DICER1: variants seen among roughly 807,000 people sequenced by gnomAD.
DICER1 encodes endoribonuclease Dicer.
Under a neutral mutation model 194.1 loss-of-function variants are expected in DICER1, and 43 were observed. The ratio of observed to expected loss-of-function variants is 0.22; its 90% CI spans 0.17 to 0.29. DICER1 has a LOEUF of 0.29. Among genes scored for constraint, DICER1 ranks in the 10% least tolerant of loss-of-function variants. The pLI is 1.00. For synonymous variants in DICER1, 832 were observed against 820.5 expected, an observed-to-expected ratio of 1.01 and a Z score of -0.24; for missense variants, 1,608 against 2,317.0, an observed-to-expected ratio of 0.69 and a Z score of 6.28.
At position 95,117,667 on chromosome 14, in the gene DICER1, C is replaced by A. The variant is rs770934736; in HGVS notation, c.1464G>T (p.Gln488His). 1.9e-6 allele frequency: 3 copies of A among 1,614,048 alleles called. No individual in the cohort carries two copies. The South Asian group carries it at 3.3e-5, about 18-fold the overall frequency. Residue 488 changes from glutamine to histidine, a missense_variant, in exon 9 of 27, where the codon CAG (glutamine) becomes CAT (histidine). By Grantham distance (24) the Gln-to-His change is conservative (BLOSUM62 0). Around this residue, in one of 10 missense-constraint regions of DICER1, gnomAD observed 657 missense variants for 910.1 expected, o/e 0.72. Transcript: ENST00000343455. The stretch of plus-strand genomic sequence containing the variant: ...CTGCTTCCATCTGTTTGTTGCGAGG[C>A]TGATTCTTCCCAATGCCATGTCCAG... Reference protein sequence around the residue: ...FITGHGIGKNQPRNKQMEAEF... With the variant: ...FITGHGIGKNHPRNKQMEAEF...
intron 10 of DICER1, 111 bp from the exon 11 acceptor site, chr14:95,115,932 A>T: frequency 1.8e-6 from 2 of 1,089,944 alleles, no homozygotes; most frequent in Non-Finnish European, 2.7e-6. Flanking sequence ...TCTCTCTCCT[A>T]AACATACTTC....
At chr14:95,147,916 A>G (rs1001136335) in intron 1 of DICER1, among the ~76,000 whole-genome samples, 8 of 152,238 alleles carry the variant, frequency 5.3e-5, no homozygotes, top group Non-Finnish European at 1.5e-5. Context: ...AGGATATTAC[A>G]GGCTGGGTGC....
chr14:95,129,111 G>A (rs1262990294), intron 6 of DICER1: 4 of 186,932 alleles, frequency 2.1e-5, no homozygotes, highest in Non-Finnish European at 4.5e-5. Context: ...ATAACTTAAT[G>A]TTCTTTGAAA....
Position 95,112,111 on chromosome 14 carries a change from C to CTT in DICER1, c.2116+59_2116+60dup, listed in dbSNP as rs138357816. The CTT allele has an allele frequency of 3.9e-4, 565 of 1,430,416 alleles. 3 individuals are homozygous for CTT. The African/African-American group carries it at 6.7e-3, about 17-fold the overall frequency. The allele number at this position is 1,430,416 out of a possible 1,614,324, so 88.6% of individuals were successfully genotyped here. A position where few individuals can be genotyped will look rare whatever the true frequency, so the allele number is the denominator to read the frequency against. ...ACAGATCTATAAAGTCCTCTATATG[C>CTT]TTTTTTTTTACAATGGTTGCAATTT... On this transcript the variant is annotated intron_variant, in intron 13 of 26. Coordinates refer to ENST00000343455, the MANE Select transcript of DICER1 (RefSeq NM_177438.3).
At position 95,088,358 on chromosome 14, in the gene DICER1, T is replaced by C. The variant is rs1362934615; in HGVS notation, c.*2140A>G. On this transcript the variant is annotated 3_prime_UTR_variant, in exon 27 of 27. Coordinates refer to ENST00000343455, the MANE Select transcript of DICER1 (RefSeq NM_177438.3). ...GGTGCCAGGAATCAAGAGAATCCCG[T>C]AACACTGGGATCAATGTATTAGACA... is the stretch of plus-strand genomic sequence containing the variant. The C allele has an allele frequency of 3.9e-5, 9 of 232,310 alleles. No homozygotes were observed. Among genetic ancestry groups the C allele is most frequent in the Non-Finnish European group, 6.0e-5 (7 of 117,290 alleles). 14.4% of individuals were successfully genotyped at this position (232,310 alleles called of 1,614,324 possible).
chr14:95,105,614 TATCTTTAATA>T lies in DICER1; in HGVS notation c.3093+54_3093+63del. On this transcript the variant is annotated intron_variant, in intron 19 of 26. Transcript: ENST00000343455. This position sits in a 1 kb window ranked among gnomAD's most constrained non-coding sequence, Gnocchi z 4.9. The stretch of plus-strand genomic sequence containing the variant: ...AACTTGGTAAGATAAAATTCAAACT[TATCTTTAATA>T]ATCTTTAATACTCAAACAAATACTA... 1 of 1,237,320 alleles carries T rather than the reference TATCTTTAATA, an allele frequency of 8.1e-7. No homozygotes were observed. The highest frequency in any genetic ancestry group is 1.2e-6 in the Non-Finnish European group (1 of 847,152). 76.6% of individuals were successfully genotyped at this position (1,237,320 alleles called of 1,614,324 possible).
intron 25 of DICER1, 38 bp downstream of exon 25, chr14:95,091,165 T>G: frequency 1.2e-6 from 2 of 1,614,142 alleles, no homozygotes; most frequent in African/African-American, 1.3e-5. Flanking sequence ...GTTTTTAATT[T>G]TGTGGGTTTT....
In DICER1 at chr14:95,124,834, G is replaced by A. The variant is rs1893271282; in HGVS notation, c.904-166C>T. 6.6e-6 allele frequency among the ~76,000 whole-genome samples: 1 copy of A among 152,148 alleles called. No homozygotes were observed. Among genetic ancestry groups the A allele is most frequent in the African/African-American group, 2.4e-5 (1 of 41,420 alleles). On this transcript the variant is annotated intron_variant, in intron 7 of 26. Coordinates refer to ENST00000343455, the MANE Select transcript of DICER1 (RefSeq NM_177438.3). The surrounding 1 kb of genome is among the most constrained non-coding windows in gnomAD (Gnocchi z 4.5). ...GGGGAGAGGCCATTAGCCTTTTCAA[G>A]CTCATTTCGTATGTATATGCCTAGA...
Position 95,090,493 on chromosome 14 carries a change from C to T in DICER1, c.*5G>A, listed in dbSNP as rs770907156. The T allele has an allele frequency of 4.1e-5, 66 of 1,613,198 alleles. No homozygotes were observed. Among genetic ancestry groups the T allele is most frequent in the East Asian group, 6.7e-5 (3 of 44,868 alleles). ...GTTTCTTGTTTTGAATTTTAAAAAGCGGTTTCAGCTATTGGGAACCTGAGG... is the reference window on the plus strand; with the variant it reads ...GTTTCTTGTTTTGAATTTTAAAAAGTGGTTTCAGCTATTGGGAACCTGAGG... On this transcript the variant is annotated 3_prime_UTR_variant, in exon 27 of 27. Coordinates refer to ENST00000343455, the MANE Select transcript of DICER1 (RefSeq NM_177438.3).
At chr14:95,152,125 C>T (rs1394701464) in intron 1 of DICER1, among the ~76,000 whole-genome samples, 1 of 152,162 alleles carries the variant, frequency 6.6e-6, no homozygotes, top group Non-Finnish European at 1.5e-5. Context: ...TTATGGCATA[C>T]ATTGAGCTGT....
chr14:95,111,172 G>A, intron 14 of DICER1, 145 bp downstream of exon 14: 1 of 852,864 alleles, frequency 1.2e-6, no homozygotes, highest in Non-Finnish European at 2.0e-6. Context: ...GAGAGAAGCT[G>A]TGAATCGGAG....
chr14:95,150,570 G>A (rs1327701367), intron 1 of DICER1, among the ~76,000 whole-genome samples: 1 of 152,148 alleles, frequency 6.6e-6, no homozygotes, highest in Non-Finnish European at 1.5e-5. Context: ...AATGTAGAAG[G>A]AATGACAGAA....
chr14:95,098,244 A>C (rs922842283), intron 22 of DICER1, among the ~76,000 whole-genome samples: 3 of 152,220 alleles, frequency 2.0e-5, no homozygotes, highest in Non-Finnish European at 4.4e-5. Flanking sequence ...CCTTTTAAGA[A>C]AAAACAGCCA....
chr14:95,096,648 C>T lies in DICER1; in HGVS notation c.4272G>A (p.Glu1424=), dbSNP rs1208041583. Residue 1424 remains glutamate, a synonymous_variant, in exon 23 of 27, where the codon GAG becomes GAA. Transcript: ENST00000343455. ...TCGGAGCCCTCCACATCAGGCTCTCCTCCTCCTCATCCTCCTCCTCGTAAT... is the reference window on the plus strand; with the variant it reads ...TCGGAGCCCTCCACATCAGGCTCTCTTCCTCCTCATCCTCCTCCTCGTAAT... The part of the protein sequence containing the change: ...DEDYEEEDEE[E]ESLMWRAPKE... 1 of 1,612,842 alleles carries T rather than the reference C, an allele frequency of 6.2e-7. No individual in the cohort carries two copies. The highest frequency in any genetic ancestry group is 1.1e-5 in the South Asian group (1 of 90,786).
In DICER1 at chr14:95,087,825, C is replaced by T. The variant is rs2139745178; in HGVS notation, c.*2673G>A. On this transcript the variant is annotated 3_prime_UTR_variant, in exon 27 of 27. Coordinates refer to ENST00000343455, the MANE Select transcript of DICER1 (RefSeq NM_177438.3). ...ACACGTGCTCAGGGCACAACCACAC[C>T]CCACTGGTAGGTTTTCCATATTACA... is the stretch of plus-strand genomic sequence containing the variant. 1 of 233,264 alleles carries T rather than the reference C, an allele frequency of 4.3e-6. No homozygotes were observed. Among genetic ancestry groups the T allele is most frequent in the African/African-American group, 2.2e-5 (1 of 45,460 alleles). The allele number at this position is 233,264 out of a possible 1,614,324, so 14.4% of individuals were successfully genotyped here.
At chr14:95,123,254 A>G (rs1893101276) in intron 8 of DICER1, among the ~76,000 whole-genome samples, 1 of 152,152 alleles carries the variant, frequency 6.6e-6, no homozygotes, top group South Asian at 2.1e-4. Context: ...TTGAAGGGAG[A>G]AAGAGTAGGA....
At chr14:95,154,236 G>T (rs976168341) in intron 1 of DICER1, among the ~76,000 whole-genome samples, 1 of 152,206 alleles carries the variant, frequency 6.6e-6, no homozygotes, top group Non-Finnish European at 1.5e-5. Context: ...ACTGACAGAG[G>T]AGTTGTTTGT....
chr14:95,127,460 A>T (rs1893574190), intron 6 of DICER1, among the ~76,000 whole-genome samples: 1 of 152,060 alleles, frequency 6.6e-6, no homozygotes, highest in Admixed American at 6.5e-5. Flanking sequence ...ATTTGCATAT[A>T]AAAAATGAAG....
rs754852266 is a variant in DICER1 at position 95,115,787 on chromosome 14, G to A, written c.1787C>T (p.Thr596Ile). 6.2e-7 allele frequency: 1 copy of A among 1,614,090 alleles called. No individual in the cohort carries two copies. The highest frequency in any genetic ancestry group is 8.5e-7 in the Non-Finnish European group (1 of 1,180,000). ...LRNKCSKSVD[T>I]GETDIDPVMD... Reference sequence around the variant, plus strand: ...GACAGGATCAATGTCAGTCTCACCAGTATCAACCGACTTGGAACACTTGTT... The same window carrying A: ...GACAGGATCAATGTCAGTCTCACCAATATCAACCGACTTGGAACACTTGTT... Residue 596 changes from threonine to isoleucine, a missense_variant, in exon 11 of 27, where the codon ACT becomes ATT. Transcript: ENST00000343455.
Sources: gnomAD v4.1 joint callset for allele counts (sites outside exome capture counted in the v4.1 genomes callset) on GRCh38, gnomAD v4.1.1 for gene constraint, gnomAD v4.1.1 regional missense constraint, Gnocchi (gnomAD v3.1) non-coding constraint, MANE v1.5 for transcripts, NCBI Gene and HGNC (gene_info 2026-07-23, HGNC 2026-07-21) for gene names.